Variants in ADCYAP1R1 observed in about 807,000 individuals in gnomAD.
The protein encoded by ADCYAP1R1 is pituitary adenylate cyclase-activating polypeptide type I receptor.
ADCYAP1R1 carries 44 observed loss-of-function variants against 67.6 expected under a neutral mutation model. That is an observed-to-expected ratio of 0.65 (90% CI 0.51 to 0.84). The LOEUF (loss-of-function observed/expected upper bound fraction) is 0.84, where lower values mean the gene tolerates loss of function less well. Ranked by LOEUF, ADCYAP1R1 falls within the 40% of genes least tolerant of loss-of-function variation. The probability of loss-of-function intolerance (pLI) is 0.00; values close to 1 mark genes in which losing one functional copy is unlikely to be tolerated. For synonymous variants in ADCYAP1R1, 222 were observed against 219.6 expected (o/e 1.01, Z -0.10); for missense variants, 477 against 587.9 (o/e 0.81, Z 1.95).
At position 31,052,532 on chromosome 7, in the gene ADCYAP1R1, G is replaced by A. The variant is rs1452951270; in HGVS notation, c.-218G>A. ...GACACACGGACCCCGGCCGCCAGCC[G>A]GCCACACAGGCGCGGAGACCCGGCT... On this transcript the variant is annotated 5_prime_UTR_variant, in exon 1 of 16. Coordinates refer to ENST00000304166, the MANE Select transcript of ADCYAP1R1 (RefSeq NM_001118.5). The A allele has an allele frequency of 2.0e-5, 3 of 150,444 alleles. No homozygotes were observed. Among genetic ancestry groups the A allele is most frequent in the Non-Finnish European group, 4.4e-5 (3 of 67,520 alleles). The allele number at this position is 150,444 out of a possible 1,614,324, so 9.3% of individuals were successfully genotyped here.
Position 31,106,814 on chromosome 7 carries a change from G to C in ADCYAP1R1, c.*130G>C. On this transcript the variant is annotated 3_prime_UTR_variant, in exon 16 of 16. Transcript: ENST00000304166. ...GGGCTGGAAGCTTGGCTCCTGAGGG[G>C]GGAGAAGGAGGCAGGGCACAGACTG... The C allele has an allele frequency of 9.0e-7, 1 of 1,110,914 alleles. No homozygotes were observed. The highest frequency in any genetic ancestry group is 1.2e-6 in the Non-Finnish European group (1 of 804,240). The allele number at this position is 1,110,914 out of a possible 1,614,324, so 68.8% of individuals were successfully genotyped here. A position where few individuals can be genotyped will look rare whatever the true frequency, so the allele number is the denominator to read the frequency against.
In ADCYAP1R1 at chr7:31,086,861, C is replaced by T; in HGVS notation, c.824-82C>T. The T allele has an allele frequency of 6.9e-7, 1 of 1,439,952 alleles. No individual in the cohort carries two copies. Among genetic ancestry groups the T allele is most frequent in the African/African-American group, 1.4e-5 (1 of 71,286 alleles). The allele number at this position is 1,439,952 out of a possible 1,614,324, so 89.2% of individuals were successfully genotyped here. ...CCAAGTCTCATGGGGGAGCAATAGC[C>T]TCTCGGAGCCCCAGGTCTACGGTGG... On this transcript the variant is annotated intron_variant, in intron 10 of 15. Transcript: ENST00000304166. The surrounding 1 kb of genome is among the most constrained non-coding windows in gnomAD (Gnocchi z 5.0).
At chr7:31,072,946 C>T (rs1014953505) in intron 3 of ADCYAP1R1, among the ~76,000 whole-genome samples, 2 of 152,156 alleles carry the variant, frequency 1.3e-5, no homozygotes, top group African/African-American at 2.4e-5. Context: ...AGGAAGGGGC[C>T]ATGGGCCCAG....
intron 3 of ADCYAP1R1, among the ~76,000 whole-genome samples, chr7:31,076,256 A>T (rs1216124910): frequency 6.6e-6 from 1 of 152,094 alleles, no homozygotes; most frequent in Non-Finnish European, 1.5e-5. Context: ...TAAGGGCTGA[A>T]ATTGTTCCTT....
chr7:31,086,961 T>TGA lies in ADCYAP1R1; in HGVS notation c.843_844dup (p.Thr282ArgfsTer7). ...CTCCCAGGGACCCCAACTGTGTGTG[T>TGA]GACAGTGTGGGCTACGCTGAGACTC... On this transcript the variant is annotated frameshift_variant, in exon 11 of 16. Coordinates refer to ENST00000304166, the MANE Select transcript of ADCYAP1R1 (RefSeq NM_001118.5). LOFTEE classifies it high-confidence loss of function. The surrounding 1 kb of genome is among the most constrained non-coding windows in gnomAD (Gnocchi z 5.0). The TGA allele has an allele frequency of 6.2e-7, 1 of 1,614,204 alleles. No homozygotes were observed. The highest frequency in any genetic ancestry group is 8.5e-7 in the Non-Finnish European group (1 of 1,180,030).
chr7:31,091,250 C>T (rs1232522320), intron 12 of ADCYAP1R1, among the ~76,000 whole-genome samples: 1 of 152,122 alleles, frequency 6.6e-6, no homozygotes, highest in Non-Finnish European at 1.5e-5. Flanking sequence ...ATCTTTTGCC[C>T]AATTTTTAAT....
chr7:31,095,292 C>T (rs539037510), intron 13 of ADCYAP1R1, among the ~76,000 whole-genome samples: 68 of 152,256 alleles, frequency 4.5e-4, no homozygotes, highest in Non-Finnish European at 1.3e-4. Context: ...GGCTGTGGTG[C>T]GGGCAGGCCT....
chr7:31,087,172 GACC>G (rs1183507636), intron 11 of ADCYAP1R1, among the ~76,000 whole-genome samples, 169 bp downstream of exon 11: 3 of 152,190 alleles, frequency 2.0e-5, no homozygotes, highest in Admixed American at 6.5e-5. Context: ...CCATGCAGGT[GACC>G]CACCCAGCTG....
chr7:31,104,318 C>A (rs1796552412), intron 14 of ADCYAP1R1, among the ~76,000 whole-genome samples: 1 of 152,256 alleles, frequency 6.6e-6, no homozygotes, highest in Non-Finnish European at 1.5e-5. Context: ...CAAGAAAATG[C>A]TCCTGCTTTT....
rs966610657 is a variant in ADCYAP1R1, at chr7:31,086,652, C to G, written c.823+115C>G. The G allele has an allele frequency of 5.5e-6, 7 of 1,263,374 alleles. No individual in the cohort carries two copies. The highest frequency in any genetic ancestry group is 7.8e-6 in the Non-Finnish European group (7 of 899,780). The allele number at this position is 1,263,374 out of a possible 1,614,324, so 78.3% of individuals were successfully genotyped here. The stretch of plus-strand genomic sequence containing the variant: ...GGTGAGGAGGGGCCACTGCCCTGCC[C>G]GAGTCTAATGGCCTAGGCTCTGTCT... On this transcript the variant is annotated intron_variant, in intron 10 of 15. Coordinates refer to ENST00000304166, the MANE Select transcript of ADCYAP1R1 (RefSeq NM_001118.5). The surrounding 1 kb of genome is among the most constrained non-coding windows in gnomAD (Gnocchi z 5.0).
At chr7:31,093,996 A>G (rs77590789) in intron 13 of ADCYAP1R1, among the ~76,000 whole-genome samples, 2,049 of 152,080 alleles carry the variant, frequency 0.013, 46 homozygotes, top group African/African-American at 0.047. Flanking sequence ...TGGTCTGTCA[A>G]TCTGTTCAGC....
rs183962855 is a variant in ADCYAP1R1 at position 31,084,376 on chromosome 7, C to T, written c.438+126C>T. On this transcript the variant is annotated intron_variant, in intron 7 of 15. Transcript: ENST00000304166. ...AACTGGGATGCTGCCTACTCCTCCC[C>T]ACCTGCACCTGGCTACTCTTACAGG... 40 of 714,966 alleles carry T rather than the reference C, an allele frequency of 5.6e-5. No homozygotes were observed. In the African/African-American group the frequency reaches 5.6e-4, roughly 10 times the overall value. The allele number at this position is 714,966 out of a possible 1,614,324, so 44.3% of individuals were successfully genotyped here. A position where few individuals can be genotyped will look rare whatever the true frequency, so the allele number is the denominator to read the frequency against.
At chr7:31,072,725 C>T (rs1000026979) in intron 3 of ADCYAP1R1, among the ~76,000 whole-genome samples, 1 of 152,196 alleles carries the variant, frequency 6.6e-6, no homozygotes. Flanking sequence ...GAGAGGCCCA[C>T]GTCATCCTAA....
rs1795521657 is a variant in ADCYAP1R1, at chr7:31,081,749, T to C, written c.323T>C (p.Leu108Pro). 6.3e-7 allele frequency: 1 copy of C among 1,596,314 alleles called. No individual in the cohort carries two copies. The highest frequency in any genetic ancestry group is 1.3e-5 in the African/African-American group (1 of 74,678). Residue 108 changes from leucine to proline, a missense_variant, in exon 6 of 16, where the codon CTC (leucine) becomes CCC (proline). Transcript: ENST00000304166. ...TTTGGTGACAGTAACTCCTTAGATC[T>C]CTCAGGTAAGGGGTTAGGCTGGGGT... Reference protein sequence around the residue: ...SDFGDSNSLDLSDMGVVSRNC... With the variant: ...SDFGDSNSLDPSDMGVVSRNC...
At chr7:31,100,573 G>A (rs572436719) in intron 13 of ADCYAP1R1, among the ~76,000 whole-genome samples, 24 of 152,236 alleles carry the variant, frequency 1.6e-4, no homozygotes, top group African/African-American at 4.3e-4. Flanking sequence ...GCCTGAGTTC[G>A]TATAGACCTT....
At chr7:31,060,196 G>C (rs1794438749) in intron 1 of ADCYAP1R1, among the ~76,000 whole-genome samples, 1 of 152,146 alleles carries the variant, frequency 6.6e-6, no homozygotes, top group African/African-American at 2.4e-5. Flanking sequence ...CCACAGCAGG[G>C]GCGAGGCCCC....
At position 31,086,976 on chromosome 7, in the gene ADCYAP1R1, C is replaced by T. The variant is rs200730426; in HGVS notation, c.857C>T (p.Thr286Met). The change falls in exon 11 of 16, where the codon ACG becomes ATG. Residue 286 changes from threonine (T) to methionine (M), a missense_variant. By Grantham distance (81) the Thr-to-Met change is moderately conservative. Transcript: ENST00000304166. The surrounding 1 kb of genome is among the most constrained non-coding windows in gnomAD (Gnocchi z 5.0). Reference sequence around the variant, plus strand: ...ACTGTGTGTGTGACAGTGTGGGCTACGCTGAGACTCTACTTTGATGACACA... The same window carrying T: ...ACTGTGTGTGTGACAGTGTGGGCTATGCTGAGACTCTACTTTGATGACACA... ...TPTVCVTVWA[T>M]LRLYFDDTGC... 9.0e-5 allele frequency: 146 copies of T among 1,614,178 alleles called. No homozygotes were observed. In the East Asian group the frequency reaches 1.6e-3, roughly 17 times the overall value.
intron 1 of ADCYAP1R1, among the ~76,000 whole-genome samples, chr7:31,056,674 A>G (rs1226954245): frequency 6.6e-6 from 1 of 152,106 alleles, no homozygotes; most frequent in Non-Finnish European, 1.5e-5. Context: ...GCCTCAGGGT[A>G]CATTTCTGCC....
intron 3 of ADCYAP1R1, among the ~76,000 whole-genome samples, chr7:31,072,280 C>T (rs1257783367): frequency 6.6e-6 from 1 of 152,064 alleles, no homozygotes; most frequent in Non-Finnish European, 1.5e-5. Context: ...ACACTGCTAC[C>T]CTTAACATGT....
Sources: gnomAD v4.1 joint callset for allele counts (sites outside exome capture counted in the v4.1 genomes callset) on GRCh38, gnomAD v4.1.1 for gene constraint, Gnocchi (gnomAD v3.1) non-coding constraint, MANE v1.5 for transcripts, NCBI Gene and HGNC (gene_info 2026-07-23, HGNC 2026-07-21) for gene names.